APBB2: variants seen among roughly 807,000 people sequenced by gnomAD.
APBB2 encodes the protein amyloid beta precursor protein binding family B member 2.
In APBB2, 38 loss-of-function variants were observed where a neutral mutation model predicts 82.5. The ratio of observed to expected loss-of-function variants is 0.46; its 90% CI spans 0.36 to 0.60. The LOEUF (loss-of-function observed/expected upper bound fraction) is 0.60. Among genes scored for constraint, APBB2 ranks in the 20% least tolerant of loss-of-function variants. The probability of loss-of-function intolerance (pLI) is 0.00; values close to 1 mark genes in which losing one functional copy is unlikely to be tolerated. For missense variants in APBB2, 772 were observed against 972.3 expected, an observed-to-expected ratio of 0.79 and a Z score of 2.74; for synonymous variants, 341 against 368.2, an observed-to-expected ratio of 0.93 and a Z score of 0.85.
rs59741554 is a variant in APBB2, at chr4:40,930,462, CGCGCGT to C, written c.1254+3988_1254+3993del. ...GTGTGTGTGTGTGCGCGCGCGCGCG[CGCGCGT>C]GCGCGTGCGCGTATGCGTGTGTATG... On this transcript the variant is annotated intron_variant, in intron 10 of 17. Coordinates refer to ENST00000508593, the MANE Select transcript of APBB2 (RefSeq NM_004307.2). 2.0e-3 allele frequency among the ~76,000 whole-genome samples: 203 copies of C among 103,776 alleles called. 1 individual carries two copies. Among genetic ancestry groups the C allele is most frequent in the African/African-American group, 8.1e-3 (181 of 22,404 alleles). 68.1% of individuals were successfully genotyped at this position (103,776 alleles called of 152,430 possible). A position where few individuals can be genotyped will look rare whatever the true frequency, so the allele number is the denominator to read the frequency against.
chr4:41,125,924 A>C (rs1754239026), intron 2 of APBB2, among the ~76,000 whole-genome samples: 1 of 152,198 alleles, frequency 6.6e-6, no homozygotes, highest in Non-Finnish European at 1.5e-5. Flanking sequence ...CCTCAGCAAG[A>C]ATCTCATCTA....
intron 17 of APBB2, among the ~76,000 whole-genome samples, chr4:40,819,849 G>A (rs1747184329): frequency 1.3e-5 from 2 of 151,994 alleles, no homozygotes; most frequent in South Asian, 2.1e-4. Flanking sequence ...GTCTCGCTCT[G>A]TCACCCAGGC....
chr4:41,052,692 T>G (rs1201271887), intron 4 of APBB2, among the ~76,000 whole-genome samples: 1 of 152,118 alleles, frequency 6.6e-6, no homozygotes, highest in Non-Finnish European at 1.5e-5. Context: ...ACAAGTGACT[T>G]AAAAAGCCTT....
intron 1 of APBB2, among the ~76,000 whole-genome samples, chr4:41,176,282 A>G (rs983803199): frequency 4.6e-5 from 7 of 152,204 alleles, no homozygotes; most frequent in Admixed American, 2.6e-4. Flanking sequence ...CAAATAAAGA[A>G]AATGAGACCA....
Position 40,832,521 on chromosome 4 carries a change from G to A in APBB2, c.1530-1944C>T, listed in dbSNP as rs907487514. 6.6e-6 allele frequency among the ~76,000 whole-genome samples: 1 copy of A among 152,042 alleles called. No homozygotes were observed. Among genetic ancestry groups the A allele is most frequent in the Admixed American group, 6.6e-5 (1 of 15,262 alleles). The stretch of plus-strand genomic sequence containing the variant: ...TAGAACCGGACTCCCCCTGCCTCAC[G>A]TGCCACACCCAATCCCCACATTCGT... On this transcript the variant is annotated intron_variant, in intron 12 of 17. Transcript: ENST00000508593. The surrounding 1 kb of genome is among the most constrained non-coding windows in gnomAD (Gnocchi z 4.8).
At chr4:41,192,301 G>A (rs1408749366) in intron 1 of APBB2, among the ~76,000 whole-genome samples, 1 of 152,148 alleles carries the variant, frequency 6.6e-6, no homozygotes, top group Non-Finnish European at 1.5e-5. Flanking sequence ...TATACCCAAA[G>A]GAAATGAAAT....
intron 2 of APBB2, among the ~76,000 whole-genome samples, chr4:41,139,564 A>G (rs563628614): frequency 4.6e-5 from 7 of 152,240 alleles, no homozygotes. Context: ...GAACAACGAT[A>G]TAATGGAATA....
At chr4:41,205,342 A>C (rs1274645021) in intron 1 of APBB2, among the ~76,000 whole-genome samples, 1 of 152,128 alleles carries the variant, frequency 6.6e-6, no homozygotes, top group East Asian at 1.9e-4. Flanking sequence ...CAGAGAAGGG[A>C]GCTATGGCAA....
intron 7 of APBB2, among the ~76,000 whole-genome samples, chr4:40,936,358 C>T (rs1488848735): frequency 6.6e-6 from 1 of 152,212 alleles, no homozygotes; most frequent in Non-Finnish European, 1.5e-5. Flanking sequence ...TCAAGCAATC[C>T]TCCTGCCTTG....
At chr4:40,861,089 G>A (rs938976905) in intron 12 of APBB2, among the ~76,000 whole-genome samples, 5 of 151,548 alleles carry the variant, frequency 3.3e-5, no homozygotes, top group East Asian at 1.9e-4. Flanking sequence ...GGTGGCTCAC[G>A]CCTGTAATCA....
intron 10 of APBB2, among the ~76,000 whole-genome samples, chr4:40,929,368 C>T (rs1398173904): frequency 2.0e-5 from 3 of 152,090 alleles, no homozygotes; most frequent in Non-Finnish European, 4.4e-5. Flanking sequence ...GATGCGATCT[C>T]AGCCCACTGC....
At chr4:40,993,444 T>C (rs1220470414) in intron 6 of APBB2, among the ~76,000 whole-genome samples, 1 of 150,178 alleles carries the variant, frequency 6.7e-6, no homozygotes, top group African/African-American at 2.5e-5. Flanking sequence ...AGTGCAGTGG[T>C]GTGATCTTGG....
intron 2 of APBB2, among the ~76,000 whole-genome samples, chr4:41,126,744 T>C (rs1754518364): frequency 6.6e-6 from 1 of 152,192 alleles, no homozygotes; most frequent in South Asian, 2.1e-4. Flanking sequence ...TAGAGAGCCG[T>C]CTTATCCCTA....
At chr4:41,196,036 G>A in intron 1 of APBB2, among the ~76,000 whole-genome samples, 1 of 150,248 alleles carries the variant, frequency 6.7e-6, no homozygotes, top group Admixed American at 6.6e-5. Flanking sequence ...GGCGGCGCCT[G>A]TAGTCCCAGC....
Position 40,890,493 on chromosome 4 carries a change from T to C in APBB2, c.1402-2A>G, listed in dbSNP as rs1771675586. On this transcript the variant is annotated splice_acceptor_variant, in intron 11 of 17. Transcript: ENST00000508593. LOFTEE classifies it high-confidence loss of function. ...CAGGATCAGGTACATGTCTTTCCCC[T>C]GGGACACAACGAGAAAACACGCTGT... 6.2e-7 allele frequency: 1 copy of C among 1,613,486 alleles called. No individual in the cohort carries two copies. The highest frequency in any genetic ancestry group is 8.5e-7 in the Non-Finnish European group (1 of 1,179,880).
chr4:40,867,713 A>C (rs1392596942), intron 12 of APBB2, among the ~76,000 whole-genome samples: 1 of 152,182 alleles, frequency 6.6e-6, no homozygotes, highest in Non-Finnish European at 1.5e-5. Context: ...ATGTACTCTC[A>C]TTCCTGGGAC....
At chr4:40,952,915 G>A (rs1245895698) in intron 6 of APBB2, among the ~76,000 whole-genome samples, 1 of 152,184 alleles carries the variant, frequency 6.6e-6, no homozygotes, top group Non-Finnish European at 1.5e-5. Flanking sequence ...CTATGAAGGA[G>A]GCACTATCTT....
intron 2 of APBB2, among the ~76,000 whole-genome samples, chr4:41,138,874 C>G (rs1758326530): frequency 6.6e-6 from 1 of 152,124 alleles, no homozygotes; most frequent in Admixed American, 6.5e-5. Context: ...TACTGATAAA[C>G]AGGTTCAACA....
At chr4:40,841,356 A>T (rs921231241) in intron 12 of APBB2, among the ~76,000 whole-genome samples, 1 of 152,208 alleles carries the variant, frequency 6.6e-6, no homozygotes, top group Non-Finnish European at 1.5e-5. Flanking sequence ...TTATCTCCAA[A>T]TTCCCTTATT....
Sources: gnomAD v4.1 joint callset for allele counts (sites outside exome capture counted in the v4.1 genomes callset) on GRCh38, gnomAD v4.1.1 for gene constraint, Gnocchi (gnomAD v3.1) non-coding constraint, MANE v1.5 for transcripts, NCBI Gene and HGNC (gene_info 2026-07-23, HGNC 2026-07-21) for gene names.